The following PLD5 variants were observed in gnomAD, a reference collection of about 807,000 sequenced individuals.
The protein encoded by PLD5 is phospholipase D family member 5.
A neutral mutation model predicts 61.1 loss-of-function variants in PLD5; 36 were observed. The ratio of observed to expected loss-of-function variants is 0.59; its 90% CI spans 0.45 to 0.78. PLD5 has a LOEUF of 0.78. Among genes scored for constraint, PLD5 ranks in the 30% least tolerant of loss-of-function variants. The pLI is 0.00. For missense variants in PLD5, 515 were observed against 644.4 expected (o/e 0.80, Z 2.17); for synonymous variants, 243 against 242.8 (o/e 1.00, Z -0.01).
intron 1 of PLD5, among the ~76,000 whole-genome samples, chr1:242,399,907 G>T (rs1023967595): frequency 3.3e-5 from 5 of 152,160 alleles, no homozygotes; most frequent in African/African-American, 4.8e-5. Flanking sequence ...GGTGGCTCAC[G>T]CCTGTAATCC....
chr1:242,271,836 T>C (rs1047755177), intron 3 of PLD5, among the ~76,000 whole-genome samples: 7 of 151,186 alleles, frequency 4.6e-5, no homozygotes, highest in African/African-American at 1.5e-4. Flanking sequence ...TCAATGTGGG[T>C]TTTTGAAATG....
At chr1:242,255,990 T>C (rs1005588195) in intron 4 of PLD5, among the ~76,000 whole-genome samples, 24 of 152,252 alleles carry the variant, frequency 1.6e-4, no homozygotes, top group African/African-American at 5.5e-4. Flanking sequence ...GTAACCCAAA[T>C]GACCTAAAGA....
chr1:242,354,835 A>C (rs1660672333), intron 1 of PLD5, among the ~76,000 whole-genome samples: 4 of 151,820 alleles, frequency 2.6e-5, no homozygotes, highest in Admixed American at 2.6e-4. Context: ...TTTACCATGA[A>C]AGGATGTTAA....
At position 242,424,291 on chromosome 1, in the gene PLD5, G is replaced by A. The variant is rs542370091; in HGVS notation, c.190-76049C>T. Among the ~76,000 whole-genome samples the A allele has an allele frequency of 8.5e-5, 13 of 152,226 alleles. No individual in the cohort carries two copies. In the East Asian group the frequency reaches 2.3e-3, roughly 27 times the overall value. On this transcript the variant is annotated intron_variant, in intron 1 of 9. Coordinates refer to ENST00000536534, the MANE Select transcript of PLD5 (RefSeq NM_001372062.1). ...ATCTAATGGCTCTGATTAGCCATCA[G>A]TTTGCCTGAGGTCCCATAACACAGT...
At chr1:242,442,440 G>A (rs1384066046) in intron 1 of PLD5, among the ~76,000 whole-genome samples, 1 of 152,112 alleles carries the variant, frequency 6.6e-6, no homozygotes, top group African/African-American at 2.4e-5. Context: ...ACATAAATGG[G>A]ATTATTCGCT....
rs182923780 is a variant in PLD5 at position 242,409,972 on chromosome 1, A to G, written c.190-61730T>C. Among the ~76,000 whole-genome samples the G allele has an allele frequency of 4.3e-3, 652 of 152,306 alleles. 4 individuals carry two copies. Among genetic ancestry groups the G allele is most frequent in the African/African-American group, 0.014 (599 of 41,558 alleles). On this transcript the variant is annotated intron_variant, in intron 1 of 9. Coordinates refer to ENST00000536534, the MANE Select transcript of PLD5 (RefSeq NM_001372062.1). Reference sequence around the variant, plus strand: ...TAGAGCTGGGGCTTTCCTGCTAGACAAGAAACATTTCTGGAGCCGCTTTAA... The same window carrying G: ...TAGAGCTGGGGCTTTCCTGCTAGACGAGAAACATTTCTGGAGCCGCTTTAA...
intron 5 of PLD5, among the ~76,000 whole-genome samples, chr1:242,174,011 C>A (rs1183919166): frequency 2.0e-5 from 3 of 152,124 alleles, no homozygotes; most frequent in Non-Finnish European, 4.4e-5. Flanking sequence ...GTCTAAAACA[C>A]CAAAAGCAAT....
In PLD5 at chr1:242,453,374, G is replaced by A. The variant is rs537914192; in HGVS notation, c.189+70714C>T. Among the ~76,000 whole-genome samples the A allele has an allele frequency of 6.2e-4, 95 of 152,276 alleles. 1 individual carries two copies. The Middle Eastern group carries it at 0.01, about 16-fold the overall frequency. ...CCTAGTTTATGGTCATTTTGTTATAGCAGCCTAAATAGGCTAAGACAAAAT... is the reference window on the plus strand; with the variant it reads ...CCTAGTTTATGGTCATTTTGTTATAACAGCCTAAATAGGCTAAGACAAAAT... On this transcript the variant is annotated intron_variant, in intron 1 of 9. Coordinates refer to ENST00000536534, the MANE Select transcript of PLD5 (RefSeq NM_001372062.1).
intron 5 of PLD5, among the ~76,000 whole-genome samples, chr1:242,214,871 C>CTTTTTTTT (rs71570942): frequency 3.9e-4 from 36 of 92,482 alleles, no homozygotes; most frequent in African/African-American, 8.4e-4. Context: ...CATTAAACAC[C>CTTTTTTTT]TTTTTTTTTT....
intron 1 of PLD5, among the ~76,000 whole-genome samples, chr1:242,428,981 C>T (rs1392540406): frequency 2.0e-5 from 3 of 152,278 alleles, no homozygotes; most frequent in East Asian, 1.9e-4. Context: ...AGGCACAGAC[C>T]GTCCATCTCC....
chr1:242,393,235 T>A (rs1169758427), intron 1 of PLD5, among the ~76,000 whole-genome samples: 3 of 76,170 alleles, frequency 3.9e-5, no homozygotes, highest in Non-Finnish European at 7.3e-5. Context: ...AGTATATATA[T>A]GTGTATATAT....
At chr1:242,364,369 A>G (rs1381306464) in intron 1 of PLD5, among the ~76,000 whole-genome samples, 2 of 152,236 alleles carry the variant, frequency 1.3e-5, no homozygotes, top group Non-Finnish European at 2.9e-5. Flanking sequence ...CACATAGACC[A>G]TTTACCAAAA....
intron 5 of PLD5, among the ~76,000 whole-genome samples, chr1:242,185,819 A>AT (rs1667840086): frequency 4.0e-5 from 6 of 151,816 alleles, no homozygotes; most frequent in South Asian, 2.1e-4. Flanking sequence ...CTTTTACTAT[A>AT]TTTTTTTTCT....
At chr1:242,096,500 C>T (rs1228361463) in intron 9 of PLD5, among the ~76,000 whole-genome samples, 2 of 151,960 alleles carry the variant, frequency 1.3e-5, no homozygotes, top group East Asian at 3.9e-4. Context: ...TGCCACCGTA[C>T]CCAGCTAATT....
At chr1:242,461,183 T>C (rs1667108364) in intron 1 of PLD5, among the ~76,000 whole-genome samples, 1 of 152,164 alleles carries the variant, frequency 6.6e-6, no homozygotes, top group South Asian at 2.1e-4. Context: ...TATCAGCACA[T>C]AGCCAGTACT....
At chr1:242,512,452 GAC>G (rs915523165) in intron 1 of PLD5, among the ~76,000 whole-genome samples, 1 of 150,936 alleles carries the variant, frequency 6.6e-6, no homozygotes, top group African/African-American at 2.4e-5. Flanking sequence ...TGGTGGGTTT[GAC>G]ACATTCCCTG....
At chr1:242,248,305 C>T (rs971752562) in intron 4 of PLD5, among the ~76,000 whole-genome samples, 2 of 152,118 alleles carry the variant, frequency 1.3e-5, no homozygotes, top group Non-Finnish European at 2.9e-5. Flanking sequence ...TTGCCATAAA[C>T]AGCTGTACAT....
chr1:242,114,930 G>A (rs1197660258), intron 6 of PLD5, among the ~76,000 whole-genome samples: 2 of 152,036 alleles, frequency 1.3e-5, no homozygotes, highest in African/African-American at 4.8e-5. Flanking sequence ...TAATCCCAGC[G>A]CTTTGGGAGG....
rs375234724 is a variant in PLD5 at position 242,365,772 on chromosome 1, T to C, written c.190-17530A>G. ...CATTACTCAAGAAAAATTGGCAGAA[T>C]GTCTAGGCTTTATATATCAAGCGCA... On this transcript the variant is annotated intron_variant, in intron 1 of 9. Coordinates refer to ENST00000536534, the MANE Select transcript of PLD5 (RefSeq NM_001372062.1). 2.8e-4 allele frequency: 60 copies of C among 212,958 alleles called. No individual in the cohort carries two copies. In the East Asian group the frequency reaches 6.5e-3, roughly 23 times the overall value. The allele number at this position is 212,958 out of a possible 1,614,324, so 13.2% of individuals were successfully genotyped here.
Sources: allele counts gnomAD v4.1 joint callset (sites outside exome capture counted in the v4.1 genomes callset), GRCh38; gene constraint gnomAD v4.1.1; transcripts MANE v1.5; gene names NCBI Gene and HGNC (gene_info 2026-07-23, HGNC 2026-07-21).